ERMAP: variants seen among roughly 807,000 people sequenced by gnomAD.
ERMAP encodes erythroblast membrane associated protein (Scianna blood group), also known as erythroid membrane-associated protein.
Under a neutral mutation model 49.5 loss-of-function variants are expected in ERMAP, and 34 were observed. The observed-to-expected ratio is 0.69, with a 90% CI of 0.52 to 0.91. The LOEUF (loss-of-function observed/expected upper bound fraction) is 0.91, where lower values mean the gene tolerates loss of function less well. ERMAP is among the 40% of genes least tolerant of loss of function. ERMAP has a pLI of 0.00. For missense variants in ERMAP, 541 were observed against 582.6 expected (o/e 0.93, Z 0.74); for synonymous variants, 214 against 232.2 (o/e 0.92, Z 0.71).
intron 2 of ERMAP, among the ~76,000 whole-genome samples, chr1:42,826,854 C>CA (rs11405842): frequency 0.97 from 130,006 of 134,146 alleles, 63,031 homozygotes; most frequent in East Asian, 0.99. Flanking sequence ...AACTCTGTCT[C>CA]AAAAAAAAAA....
intron 8 of ERMAP, chr1:42,839,708 T>C: frequency 2.2e-6 from 1 of 449,156 alleles, no homozygotes; most frequent in Non-Finnish European, 4.0e-6. Context: ...CAATACTCAG[T>C]GATAGTTTTA....
At chr1:42,838,831 G>A in intron 7 of ERMAP, 70 bp from the exon 8 acceptor site, 1 of 1,603,360 alleles carries the variant, frequency 6.2e-7, no homozygotes, top group Admixed American at 1.7e-5. Context: ...GAGTGATGAG[G>A]CTGCCACAGC....
chr1:42,833,478 GT>G (rs1478868532), intron 4 of ERMAP, among the ~76,000 whole-genome samples: 4 of 152,116 alleles, frequency 2.6e-5, no homozygotes, highest in Non-Finnish European at 4.4e-5. Context: ...CTTTGCCCAT[GT>G]CCCTAAGTAA....
chr1:42,829,688 G>A (rs1654657350), intron 2 of ERMAP, among the ~76,000 whole-genome samples: 1 of 152,204 alleles, frequency 6.6e-6, no homozygotes, highest in Non-Finnish European at 1.5e-5. Context: ...ATGAGCAGTT[G>A]TTCTGCCAGG....
intron 4 of ERMAP, among the ~76,000 whole-genome samples, chr1:42,831,571 T>TTTTTTTC (rs1553149742): frequency 3.8e-5 from 3 of 79,914 alleles, no homozygotes; most frequent in African/African-American, 5.1e-5. Context: ...TTTTTTTTTT[T>TTTTTTTC]TCTCTTTTTT....
intron 1 of ERMAP, among the ~76,000 whole-genome samples, chr1:42,823,348 A>G (rs937316227): frequency 2.6e-5 from 4 of 152,228 alleles, no homozygotes; most frequent in Admixed American, 2.6e-4. Context: ...AAATGTTGAC[A>G]CATTTCATTA....
chr1:42,839,610 C>CAAAATA, intron 8 of ERMAP: 1 of 197,906 alleles, frequency 5.1e-6, no homozygotes, highest in African/African-American at 2.4e-5. Context: ...AACTCCATCT[C>CAAAATA]AAAATAAAAA....
At chr1:42,832,009 T>C (rs375705358) in intron 4 of ERMAP, among the ~76,000 whole-genome samples, 3 of 152,182 alleles carry the variant, frequency 2.0e-5, no homozygotes, top group South Asian at 4.2e-4. Context: ...ACCCAAACCA[T>C]GTCTTTGCAT....
intron 4 of ERMAP, among the ~76,000 whole-genome samples, chr1:42,834,191 C>G (rs537686061): frequency 2.0e-5 from 3 of 152,204 alleles, no homozygotes; most frequent in Non-Finnish European, 4.4e-5. Context: ...CGCTTCTGCT[C>G]GTTTCCTCTC....
chr1:42,836,061 A>T (rs1399151233), intron 6 of ERMAP, among the ~76,000 whole-genome samples: 2 of 152,134 alleles, frequency 1.3e-5, no homozygotes, highest in Non-Finnish European at 1.5e-5. Flanking sequence ...AATACTTGAT[A>T]ATTATCTACA....
chr1:42,824,308 A>ACTGCACTCCAGC (rs1654481103), intron 1 of ERMAP: 1 of 151,604 alleles, frequency 6.6e-6, no homozygotes, highest in Non-Finnish European at 1.5e-5. Flanking sequence ...AGATCGTACC[A>ACTGCACTCCAGC]CTGCACTCCA....
intron 5 of ERMAP, 74 bp downstream of exon 5, chr1:42,835,228 A>G: frequency 1.3e-6 from 1 of 780,190 alleles, no homozygotes; most frequent in Non-Finnish European, 2.4e-6. Flanking sequence ...GCCAGACGGA[A>G]GTAGATGTAG....
chr1:42,832,212 A>G (rs12028144), intron 4 of ERMAP, among the ~76,000 whole-genome samples: 32,523 of 104,616 alleles, frequency 0.31, 4,482 homozygotes, highest in Middle Eastern at 0.43. Context: ...TTTTTTTGAG[A>G]TGGAGTGTTG....
intron 2 of ERMAP, chr1:42,830,228 C>T (rs1654676206): frequency 8.7e-6 from 5 of 573,280 alleles, no homozygotes; most frequent in South Asian, 2.1e-5. Flanking sequence ...CAAGGAGGCA[C>T]AGTTCTTTTA....
At chr1:42,837,312 T>C in intron 7 of ERMAP, 122 bp downstream of exon 7, 1 of 1,051,924 alleles carries the variant, frequency 9.5e-7, no homozygotes, top group Non-Finnish European at 1.4e-6. Flanking sequence ...TGCACACATA[T>C]ATCCTCCATT....
chr1:42,817,290 C>A lies in ERMAP; in HGVS notation c.-122+37C>A, dbSNP rs775964209. On this transcript the variant is annotated intron_variant, in intron 1 of 11. Transcript: ENST00000372517. ...CTTCCCCCGACCACTGGACCCAGCG[C>A]TGCCTGCCCACCGCCCCTCGTCCTG... The A allele has an allele frequency of 6.0e-5, 73 of 1,213,502 alleles. No homozygotes were observed. In the East Asian group the frequency reaches 4.7e-3, roughly 79 times the overall value. 75.2% of individuals were successfully genotyped at this position (1,213,502 alleles called of 1,614,324 possible). A position where few individuals can be genotyped will look rare whatever the true frequency, so the allele number is the denominator to read the frequency against.
Position 42,842,901 on chromosome 1 carries a change from C to T in ERMAP, c.1097C>T (p.Ala366Val). 6.2e-7 allele frequency: 1 copy of T among 1,614,188 alleles called. No homozygotes were observed. Among genetic ancestry groups the T allele is most frequent in the Non-Finnish European group, 8.5e-7 (1 of 1,180,044 alleles). ...GTGGGGATTTTCCTGGACTATGAAG[C>T]AGGAGTCATCTCTTTCTACAATGTG... Reference protein sequence around the residue: ...RCVGIFLDYEAGVISFYNVTN... With the variant: ...RCVGIFLDYEVGVISFYNVTN... Residue 366 changes from alanine (A) to valine (V), a missense_variant, in exon 12 of 12, where the codon GCA becomes GTA. By Grantham distance (64) the Ala-to-Val change is moderately conservative. Transcript: ENST00000372517.
rs1655171204 is a variant in ERMAP, at chr1:42,844,961, TTAAAA to T, written c.*1735_*1739del. On this transcript the variant is annotated 3_prime_UTR_variant, in exon 12 of 12. Transcript: ENST00000372517. The surrounding 1 kb of genome is among the most constrained non-coding windows in gnomAD (Gnocchi z 4.0). ...ATTTTTTGTTTGCTTTTGTACAGTT[TTAAAA>T]TAAAAGTTTGGTATTTGTGTTTTGG... The T allele has an allele frequency of 6.6e-6, 1 of 152,208 alleles. No individual in the cohort carries two copies. Among genetic ancestry groups the T allele is most frequent in the African/African-American group, 2.4e-5 (1 of 41,448 alleles). 9.4% of individuals were successfully genotyped at this position (152,208 alleles called of 1,614,324 possible).
chr1:42,826,442 A>G (rs971350512), intron 2 of ERMAP, among the ~76,000 whole-genome samples: 1 of 152,192 alleles, frequency 6.6e-6, no homozygotes, highest in African/African-American at 2.4e-5. Context: ...AAGAAATTTC[A>G]TAGGATACTT....
Sources: allele counts gnomAD v4.1 joint callset (sites outside exome capture counted in the v4.1 genomes callset), GRCh38; gene constraint gnomAD v4.1.1; non-coding constraint Gnocchi (gnomAD v3.1); transcripts MANE v1.5; gene names NCBI Gene and HGNC (gene_info 2026-07-23, HGNC 2026-07-21).